The following TAF15 variants were observed in gnomAD, a reference collection of about 807,000 sequenced individuals.
The protein encoded by TAF15 is TATA-box binding protein associated factor 15.
TAF15 carries 37 observed loss-of-function variants against 102.5 expected under a neutral mutation model. The ratio of observed to expected loss-of-function variants is 0.36; its 90% CI spans 0.28 to 0.47. The LOEUF (loss-of-function observed/expected upper bound fraction) is 0.47, where lower values mean the gene tolerates loss of function less well. Among genes scored for constraint, TAF15 ranks in the 20% least tolerant of loss-of-function variants. The pLI, the probability that TAF15 is intolerant of heterozygous loss-of-function variation, is 0.99. For missense variants in TAF15, 652 were observed against 760.7 expected, an observed-to-expected ratio of 0.86 and a Z score of 1.68; for synonymous variants, 273 against 259.2, an observed-to-expected ratio of 1.05 and a Z score of -0.51.
intron 1 of TAF15, chr17:35,811,456 A>G (rs1463459470): frequency 6.6e-6 from 1 of 152,224 alleles, no homozygotes; most frequent in Non-Finnish European, 1.5e-5. Context: ...GACTCTTTAT[A>G]TTCTTAGGCT....
At chr17:35,845,144 A>G (rs962689181) in intron 15 of TAF15, 106 bp downstream of exon 15, 9 of 1,396,346 alleles carry the variant, frequency 6.4e-6, no homozygotes, top group Non-Finnish European at 9.1e-6. Flanking sequence ...TCCCATTGCC[A>G]GTTCTCTCAG....
At chr17:35,842,792 G>T (rs1270859080) in intron 12 of TAF15, among the ~76,000 whole-genome samples, 2 of 152,106 alleles carry the variant, frequency 1.3e-5, no homozygotes, top group African/African-American at 4.8e-5. Flanking sequence ...GAGTGGAGTG[G>T]CGTGATCTCG....
chr17:35,826,885 AAC>A (rs1302978255), intron 7 of TAF15, among the ~76,000 whole-genome samples: 13 of 150,290 alleles, frequency 8.6e-5, no homozygotes, highest in African/African-American at 2.8e-4. Flanking sequence ...TATGTGTCAT[AAC>A]ACATAAAATT....
chr17:35,832,854 AT>A (rs2087423692), intron 7 of TAF15, among the ~76,000 whole-genome samples: 1 of 152,046 alleles, frequency 6.6e-6, no homozygotes, highest in African/African-American at 2.4e-5. Context: ...TGTGATTCTA[AT>A]TTGCCAGATA....
Position 35,822,667 on chromosome 17 carries a change from C to T in TAF15, c.318C>T (p.Asp106=). Residue 106 remains aspartate, a synonymous_variant, in exon 6 of 16, where the codon GAC becomes GAT. Transcript: ENST00000605844. ...GSQGGRAPSY[D]QPDYGQQDSY... is the part of the protein sequence containing the mutation. ...AAGGTGGAAGAGCACCTTCCTATGA[C>T]CAGCCAGACTATGGTCAACAAGATT... is the stretch of plus-strand genomic sequence containing the variant. The T allele has an allele frequency of 6.2e-7, 1 of 1,614,018 alleles. No homozygotes were observed. Among genetic ancestry groups the T allele is most frequent in the South Asian group, 1.1e-5 (1 of 91,064 alleles).
chr17:35,823,347 T>C (rs2087286002), intron 6 of TAF15, among the ~76,000 whole-genome samples: 1 of 152,206 alleles, frequency 6.6e-6, no homozygotes, highest in South Asian at 2.1e-4. Context: ...GATTCAGTTA[T>C]TCCTTGTCCA....
At chr17:35,809,664 G>A (rs2087100983) in intron 1 of TAF15, 88 bp downstream of exon 1, 1 of 1,588,922 alleles carries the variant, frequency 6.3e-7, no homozygotes. Context: ...GGGCCCTGAG[G>A]AGAAGCCTCC....
At chr17:35,829,631 CAAAAAAAAAAA>C (rs746776421) in intron 7 of TAF15, among the ~76,000 whole-genome samples, 6 of 33,110 alleles carry the variant, frequency 1.8e-4, no homozygotes, top group Middle Eastern at 0.013. Context: ...GACTCCATCT[CAAAAAAAAAAA>C]AAAAAAAAAA....
chr17:35,815,028 T>C (rs1388353372), intron 1 of TAF15, among the ~76,000 whole-genome samples: 1 of 152,158 alleles, frequency 6.6e-6, no homozygotes, highest in East Asian at 1.9e-4. Context: ...ATATGAGTGA[T>C]ACAACTAATG....
intron 12 of TAF15, among the ~76,000 whole-genome samples, chr17:35,843,440 A>G (rs551764466): frequency 2.6e-5 from 4 of 152,084 alleles, no homozygotes; most frequent in South Asian, 2.1e-4. Flanking sequence ...CTTTATTTCT[A>G]TTGGATTCAT....
chr17:35,822,400 C>T (rs963078975), intron 5 of TAF15, among the ~76,000 whole-genome samples: 6 of 150,866 alleles, frequency 4.0e-5, no homozygotes, highest in Non-Finnish European at 3.0e-5. Flanking sequence ...TAATTTTTTG[C>T]TTTACTGCAG....
rs543157963 is a variant in TAF15 at position 35,846,527 on chromosome 17, C to T, written c.1740-379C>T. Among the ~76,000 whole-genome samples, 178 of 152,246 alleles carry T rather than the reference C, an allele frequency of 1.2e-3. 1 individual carries two copies. The highest frequency in any genetic ancestry group is 3.9e-3 in the African/African-American group (161 of 41,542). On this transcript the variant is annotated intron_variant, in intron 15 of 15. Coordinates refer to ENST00000605844, the MANE Select transcript of TAF15 (RefSeq NM_139215.3). ...TTACAGAGTCAGTCATTTAGTGTAA[C>T]TTTTCCAAGGTCACATAGTAAGTGG... is the stretch of plus-strand genomic sequence containing the variant.
In TAF15 at chr17:35,836,254, A is replaced by G; in HGVS notation, c.783+13A>G. On this transcript the variant is annotated intron_variant, in intron 10 of 15. Transcript: ENST00000605844. ...AGGAATTATCAAGGTGAGTAAAAAT[A>G]TTATATGTTGAAAATCTCATAATTA... 6.6e-7 allele frequency: 1 copy of G among 1,516,982 alleles called. No individual in the cohort carries two copies. The allele number at this position is 1,516,982 out of a possible 1,614,324, so 94.0% of individuals were successfully genotyped here.
rs757585810 is a variant in TAF15, at chr17:35,844,998, G to A, written c.1699G>A (p.Gly567Arg). ...GYGGDRGGGY[G>R]GDRGGYGGKM... ...TGGAGGAGACCGAGGTGGGGGCTAC[G>A]GAGGAGACCGAGGTGGCTATGGAGG... is the stretch of plus-strand genomic sequence containing the variant. The change falls in exon 15 of 16, where the codon GGA becomes AGA. Residue 567 changes from glycine (G) to arginine (R), a missense_variant. Gly to Arg is a moderately radical substitution (Grantham distance 125, BLOSUM62 -2). Coordinates refer to ENST00000605844, the MANE Select transcript of TAF15 (RefSeq NM_139215.3). 17 of 1,613,846 alleles carry A rather than the reference G, an allele frequency of 1.1e-5. No individual in the cohort carries two copies. The highest frequency in any genetic ancestry group is 1.6e-4 in the Middle Eastern group (1 of 6,076).
At chr17:35,840,542 G>A (rs979515031) in intron 11 of TAF15, among the ~76,000 whole-genome samples, 8 of 148,418 alleles carry the variant, frequency 5.4e-5, no homozygotes, top group South Asian at 4.6e-4. Flanking sequence ...GCTCACCACC[G>A]CACTGGGCCA....
intron 6 of TAF15, chr17:35,823,708 A>G: frequency 1.1e-5 from 1 of 91,052 alleles, no homozygotes; most frequent in East Asian, 3.0e-4. Context: ...CTTGTCTCCA[A>G]AAAAAAAAAA....
chr17:35,834,758 T>TTTTTTTTTTTTTTTTA (rs1256315984), intron 9 of TAF15, among the ~76,000 whole-genome samples, 160 bp downstream of exon 9: 1 of 145,606 alleles, frequency 6.9e-6, no homozygotes, highest in African/African-American at 2.6e-5. Context: ...TTTTTTTTTT[T>TTTTTTTTTTTTTTTTA]TTTTGAGATG....
At position 35,809,496 on chromosome 17, in the gene TAF15, G is replaced by C; in HGVS notation, c.-74G>C. ...CCGCGCCGCCCTCAGTACAGCTCCG[G>C]CCGCCGCGCCGCCTGGCTTTCGTAT... On this transcript the variant is annotated 5_prime_UTR_variant, in exon 1 of 16. Transcript: ENST00000605844. 1 of 1,604,832 alleles carries C rather than the reference G, an allele frequency of 6.2e-7. No individual in the cohort carries two copies. The highest frequency in any genetic ancestry group is 1.1e-5 in the South Asian group (1 of 90,652).
Position 35,844,584 on chromosome 17 carries a change from GGAGACAGAAGCAGC to G in TAF15, c.1287_1300del (p.Asp430TrpfsTer7). On this transcript the variant is annotated frameshift_variant, in exon 15 of 16. Coordinates refer to ENST00000605844, the MANE Select transcript of TAF15 (RefSeq NM_139215.3). LOFTEE classifies it high-confidence loss of function. ...AGACAGAAGTGGGGGTGGCTATGGT[GGAGACAGAAGCAGC>G]GGTGGTGGCTACAGCGGAGATAGAA... 1 of 1,600,172 alleles carries G rather than the reference GGAGACAGAAGCAGC, an allele frequency of 6.2e-7. No individual in the cohort carries two copies. Among genetic ancestry groups the G allele is most frequent in the Non-Finnish European group, 8.5e-7 (1 of 1,172,552 alleles).
Sources: gnomAD v4.1 joint callset for allele counts (sites outside exome capture counted in the v4.1 genomes callset) on GRCh38, gnomAD v4.1.1 for gene constraint, MANE v1.5 for transcripts, NCBI Gene and HGNC (gene_info 2026-07-23, HGNC 2026-07-21) for gene names.